Variants in RHOJ observed in about 807,000 individuals in gnomAD.
The protein encoded by RHOJ is ras homolog family member J.
A neutral mutation model predicts 23.4 loss-of-function variants in RHOJ; 11 were observed. That is an observed-to-expected ratio of 0.47 (90% CI 0.30 to 0.78). The LOEUF (loss-of-function observed/expected upper bound fraction) is 0.78, where lower values mean the gene tolerates loss of function less well. Among genes scored for constraint, RHOJ ranks in the 30% least tolerant of loss-of-function variants. The probability of loss-of-function intolerance (pLI) is 0.08; values close to 1 mark genes in which losing one functional copy is unlikely to be tolerated. For missense variants in RHOJ, 254 were observed against 273.4 expected, an observed-to-expected ratio of 0.93 and a Z score of 0.50; for synonymous variants, 102 against 102.7, an observed-to-expected ratio of 0.99 and a Z score of 0.04.
intron 1 of RHOJ, among the ~76,000 whole-genome samples, chr14:63,235,128 C>G (rs752495802): frequency 4.0e-5 from 6 of 151,346 alleles, no homozygotes; most frequent in African/African-American, 1.5e-4. Flanking sequence ...TCTTTCGGGA[C>G]TCTAAATTAT....
At chr14:63,209,531 C>T (rs530216358) in intron 1 of RHOJ, among the ~76,000 whole-genome samples, 1 of 152,200 alleles carries the variant, frequency 6.6e-6, no homozygotes, top group South Asian at 2.1e-4. Context: ...TTATTTAATG[C>T]ATGTGTGCTT....
At chr14:63,230,577 C>T (rs892456232) in intron 1 of RHOJ, among the ~76,000 whole-genome samples, 7 of 152,100 alleles carry the variant, frequency 4.6e-5, no homozygotes, top group Middle Eastern at 3.4e-3. Flanking sequence ...TCAAATGTCA[C>T]GTTAGCAGCA....
intron 1 of RHOJ, among the ~76,000 whole-genome samples, chr14:63,219,455 T>G (rs1025246314): frequency 2.6e-5 from 4 of 152,240 alleles, no homozygotes; most frequent in African/African-American, 4.8e-5. Context: ...TGTTTTTTCT[T>G]ATTTAGTCTT....
intron 1 of RHOJ, among the ~76,000 whole-genome samples, chr14:63,253,420 T>C (rs1256547619): frequency 6.6e-6 from 1 of 151,936 alleles, no homozygotes; most frequent in East Asian, 1.9e-4. Flanking sequence ...TTTTTAGAGA[T>C]GGGGTTTCAC....
intron 2 of RHOJ, among the ~76,000 whole-genome samples, chr14:63,272,507 C>T (rs963560056): frequency 3.3e-5 from 5 of 152,194 alleles, no homozygotes; most frequent in Admixed American, 1.3e-4. Context: ...AAGAAGCAAT[C>T]CTCCACATCT....
chr14:63,239,232 C>T (rs1020184139), intron 1 of RHOJ, among the ~76,000 whole-genome samples: 1 of 152,178 alleles, frequency 6.6e-6, no homozygotes, highest in African/African-American at 2.4e-5. Flanking sequence ...CTGCTTCAGC[C>T]TCCTGAGTAG....
intron 4 of RHOJ, among the ~76,000 whole-genome samples, chr14:63,283,680 AAT>A (rs1214591990): frequency 2.6e-5 from 4 of 152,190 alleles, no homozygotes; most frequent in African/African-American, 7.2e-5. Flanking sequence ...CCATATAATG[AAT>A]AGCCACTTAG....
chr14:63,222,675 T>C (rs1894520094), intron 1 of RHOJ, among the ~76,000 whole-genome samples: 2 of 152,334 alleles, frequency 1.3e-5, no homozygotes, highest in South Asian at 4.1e-4. Flanking sequence ...TGGGGTTGTT[T>C]GTTTTTTTCC....
chr14:63,280,768 T>A (rs1294973548), intron 2 of RHOJ, among the ~76,000 whole-genome samples: 4 of 152,182 alleles, frequency 2.6e-5, no homozygotes, highest in Admixed American at 2.6e-4. Flanking sequence ...GGGCAATACA[T>A]AATCTCTGTA....
At chr14:63,223,281 G>A (rs1296484605) in intron 1 of RHOJ, among the ~76,000 whole-genome samples, 1 of 152,012 alleles carries the variant, frequency 6.6e-6, no homozygotes, top group Non-Finnish European at 1.5e-5. Flanking sequence ...TATCTCCAAG[G>A]CCCCACCCAG....
chr14:63,262,069 C>T (rs559589900), intron 1 of RHOJ, among the ~76,000 whole-genome samples: 10 of 152,244 alleles, frequency 6.6e-5, no homozygotes, highest in Admixed American at 2.6e-4. Flanking sequence ...CACTTGGAGG[C>T]GTCCCTATAA....
chr14:63,243,281 T>A (rs929943462), intron 1 of RHOJ, among the ~76,000 whole-genome samples: 1 of 152,182 alleles, frequency 6.6e-6, no homozygotes, highest in Non-Finnish European at 1.5e-5. Context: ...GAACCAAAAC[T>A]AGCTGCTCCT....
chr14:63,266,346 G>C (rs1348782676), intron 1 of RHOJ, among the ~76,000 whole-genome samples: 1 of 152,114 alleles, frequency 6.6e-6, no homozygotes, highest in African/African-American at 2.4e-5. Flanking sequence ...AGTATGATGA[G>C]GCATGTCCCA....
chr14:63,253,679 A>C (rs1309084542), intron 1 of RHOJ, among the ~76,000 whole-genome samples: 5 of 152,154 alleles, frequency 3.3e-5, no homozygotes, highest in Non-Finnish European at 5.9e-5. Context: ...CTCCCTTCTT[A>C]CTGTTTCTAA....
chr14:63,285,518 T>C (rs1882052852), intron 4 of RHOJ, among the ~76,000 whole-genome samples: 1 of 152,184 alleles, frequency 6.6e-6, no homozygotes, highest in African/African-American at 2.4e-5. Flanking sequence ...CTCTTTTTGG[T>C]CTCAAAGGGT....
chr14:63,222,358 T>C (rs1389541788), intron 1 of RHOJ, among the ~76,000 whole-genome samples: 1 of 152,120 alleles, frequency 6.6e-6, no homozygotes, highest in East Asian at 1.9e-4. Flanking sequence ...GATGGCTGGG[T>C]CAAATGGTAT....
intron 1 of RHOJ, among the ~76,000 whole-genome samples, chr14:63,256,440 G>A (rs1895166478): frequency 6.6e-6 from 1 of 152,166 alleles, no homozygotes; most frequent in African/African-American, 2.4e-5. Context: ...ATTTGTGATT[G>A]GAGGGGAGGG....
intron 4 of RHOJ, among the ~76,000 whole-genome samples, chr14:63,289,040 C>T (rs1041767486): frequency 2.0e-5 from 3 of 152,094 alleles, no homozygotes; most frequent in Non-Finnish European, 4.4e-5. Flanking sequence ...TAGGTGAGTG[C>T]CCATAAGCAA....
At chr14:63,252,063 G>A (rs1895081624) in intron 1 of RHOJ, among the ~76,000 whole-genome samples, 1 of 152,138 alleles carries the variant, frequency 6.6e-6, no homozygotes, top group African/African-American at 2.4e-5. Flanking sequence ...TCCAGCCTGG[G>A]CAACAGAGAG....
Sources: gnomAD v4.1 joint callset for allele counts (sites outside exome capture counted in the v4.1 genomes callset) on GRCh38, gnomAD v4.1.1 for gene constraint, MANE v1.5 for transcripts, NCBI Gene and HGNC (gene_info 2026-07-23, HGNC 2026-07-21) for gene names.